Variants in PPP2R5E observed in about 807,000 individuals in gnomAD.
PPP2R5E encodes serine/threonine-protein phosphatase 2A 56 kDa regulatory subunit epsilon isoform.
A neutral mutation model predicts 65.3 loss-of-function variants in PPP2R5E; 4 were observed. That is an observed-to-expected ratio of 0.06 (90% confidence interval 0.03 to 0.14). The LOEUF (loss-of-function observed/expected upper bound fraction) is 0.14, where lower values mean the gene tolerates loss of function less well. Ranked by LOEUF, PPP2R5E falls within the 10% of genes least tolerant of loss-of-function variation. PPP2R5E has a pLI of 1.00. For missense variants in PPP2R5E, 274 were observed against 556.1 expected, an observed-to-expected ratio of 0.49 and a Z score of 5.10; for synonymous variants, 183 against 187.4, an observed-to-expected ratio of 0.98 and a Z score of 0.19.
At chr14:63,458,732 T>C (rs761025407) in intron 2 of PPP2R5E, among the ~76,000 whole-genome samples, 72 of 152,328 alleles carry the variant, frequency 4.7e-4, no homozygotes, top group Middle Eastern at 3.4e-3. Flanking sequence ...TATGTTTGCA[T>C]TGGAAGCTAA....
chr14:63,383,630 T>C (rs529071120), intron 12 of PPP2R5E, among the ~76,000 whole-genome samples: 8 of 152,344 alleles, frequency 5.3e-5, no homozygotes, highest in African/African-American at 1.9e-4. Context: ...TATAATTACA[T>C]GCAAAATTTT....
chr14:63,446,886 T>C lies in PPP2R5E; in HGVS notation c.354+6803A>G, dbSNP rs113367855. ...ACATTCATCTCCTTGTATATCTCCA[T>C]TAGAGCTCTTGGGTAACAAGGTGGA... On this transcript the variant is annotated intron_variant, in intron 3 of 13. Coordinates refer to ENST00000337537, the MANE Select transcript of PPP2R5E (RefSeq NM_006246.5). Among the ~76,000 whole-genome samples the C allele has an allele frequency of 2.4e-3, 358 of 151,378 alleles. 2 individuals carry two copies. Among genetic ancestry groups the C allele is most frequent in the African/African-American group, 8.2e-3 (340 of 41,242 alleles).
At chr14:63,430,385 A>ACATACATACATGCATG (rs1887592815) in intron 3 of PPP2R5E, among the ~76,000 whole-genome samples, 2 of 140,812 alleles carry the variant, frequency 1.4e-5, no homozygotes, top group African/African-American at 6.1e-5. Flanking sequence ...ATGCATACAT[A>ACATACATACATGCATG]CATACATACA....
chr14:63,435,987 T>C (rs1316291989), intron 3 of PPP2R5E, among the ~76,000 whole-genome samples: 2 of 152,190 alleles, frequency 1.3e-5, no homozygotes, highest in African/African-American at 2.4e-5. Flanking sequence ...AACATTGCAA[T>C]AGTCATAGTG....
intron 2 of PPP2R5E, among the ~76,000 whole-genome samples, chr14:63,522,895 T>A (rs903362310): frequency 1.5e-5 from 2 of 136,522 alleles, no homozygotes; most frequent in Non-Finnish European, 3.1e-5. Flanking sequence ...AGCCGCCCCG[T>A]CCGGGAGGGA....
At chr14:63,394,001 T>C in intron 7 of PPP2R5E, 73 bp from the exon 8 acceptor site, 3 of 825,356 alleles carry the variant, frequency 3.6e-6, no homozygotes, top group Middle Eastern at 2.3e-4. Flanking sequence ...TCTTGTGATA[T>C]TAATTAAACT....
At position 63,384,649 on chromosome 14, in the gene PPP2R5E, A is replaced by G. The variant is rs529369569; in HGVS notation, c.1075-78T>C. 302 of 1,242,094 alleles carry G rather than the reference A, an allele frequency of 2.4e-4. No individual in the cohort carries two copies. In the South Asian group the frequency reaches 4.0e-3, roughly 16 times the overall value. The allele number at this position is 1,242,094 out of a possible 1,614,324, so 76.9% of individuals were successfully genotyped here. A position where few individuals can be genotyped will look rare whatever the true frequency, so the allele number is the denominator to read the frequency against. ...ACAAAATTATAAATCTTTCCAAACA[A>G]AAGTATTTCAAAAGGCTATTTGTAA... is the stretch of plus-strand genomic sequence containing the variant. On this transcript the variant is annotated intron_variant, in intron 11 of 13. Coordinates refer to ENST00000337537, the MANE Select transcript of PPP2R5E (RefSeq NM_006246.5).
intron 5 of PPP2R5E, among the ~76,000 whole-genome samples, chr14:63,403,954 A>G (rs1213652782): frequency 6.6e-6 from 1 of 152,206 alleles, no homozygotes; most frequent in African/African-American, 2.4e-5. Context: ...GGCTTACAGT[A>G]GGAAGTCAAT....
At chr14:63,466,153 C>T (rs574569230) in intron 2 of PPP2R5E, among the ~76,000 whole-genome samples, 11 of 151,952 alleles carry the variant, frequency 7.2e-5, no homozygotes, top group African/African-American at 2.7e-4. Context: ...AACATCAACA[C>T]CAATTGTTTC....
At chr14:63,509,379 T>G (rs1359998876) in intron 2 of PPP2R5E, among the ~76,000 whole-genome samples, 2 of 150,876 alleles carry the variant, frequency 1.3e-5, no homozygotes, top group African/African-American at 2.4e-5. Context: ...GTTCAAGCGA[T>G]TCTCGTGCCT....
intron 4 of PPP2R5E, among the ~76,000 whole-genome samples, chr14:63,421,485 C>T (rs1490460524): frequency 6.6e-6 from 1 of 152,174 alleles, no homozygotes; most frequent in Non-Finnish European, 1.5e-5. Context: ...TTGGCCTTTA[C>T]CCAAGCTTTC....
At chr14:63,499,285 G>A (rs942918312) in intron 2 of PPP2R5E, among the ~76,000 whole-genome samples, 2 of 152,068 alleles carry the variant, frequency 1.3e-5, no homozygotes, top group African/African-American at 2.4e-5. Context: ...TATGACAGCA[G>A]AAATGTAAAA....
At chr14:63,534,348 T>C in intron 2 of PPP2R5E, among the ~76,000 whole-genome samples, 1 of 152,012 alleles carries the variant, frequency 6.6e-6, no homozygotes. Flanking sequence ...CACTGCAACC[T>C]CCACCTCCCG....
intron 3 of PPP2R5E, among the ~76,000 whole-genome samples, chr14:63,431,779 G>C (rs1887684007): frequency 6.6e-6 from 1 of 152,048 alleles, no homozygotes; most frequent in Admixed American, 6.6e-5. Flanking sequence ...GGATTTAAAA[G>C]GAGATTTCTA....
At chr14:63,475,964 C>T (rs138054520) in intron 2 of PPP2R5E, among the ~76,000 whole-genome samples, 112 of 152,280 alleles carry the variant, frequency 7.4e-4, no homozygotes, top group Non-Finnish European at 1.5e-3. Flanking sequence ...ATGAACAGCA[C>T]TGCTATTGTA....
chr14:63,447,034 G>C (rs753363901), intron 3 of PPP2R5E, among the ~76,000 whole-genome samples: 2 of 152,102 alleles, frequency 1.3e-5, no homozygotes, highest in Non-Finnish European at 2.9e-5. Context: ...TTGTCATCTA[G>C]GCTTTGCTGT....
At chr14:63,401,582 G>A (rs1034459555) in intron 5 of PPP2R5E, among the ~76,000 whole-genome samples, 1 of 152,178 alleles carries the variant, frequency 6.6e-6, no homozygotes, top group East Asian at 1.9e-4. Context: ...ACAATGAAAT[G>A]AGAAGAGTGA....
intron 2 of PPP2R5E, among the ~76,000 whole-genome samples, chr14:63,509,102 TACAC>T (rs1241023327): frequency 5.9e-5 from 9 of 152,136 alleles, no homozygotes; most frequent in Admixed American, 5.9e-4. Flanking sequence ...AAATAACTCT[TACAC>T]AGACTTTGCT....
intron 4 of PPP2R5E, among the ~76,000 whole-genome samples, chr14:63,417,191 A>G (rs1188226825): frequency 6.6e-6 from 1 of 152,184 alleles, no homozygotes; most frequent in Admixed American, 6.5e-5. Flanking sequence ...TTAAATGTTG[A>G]CATGTTTTAT....
Sources: allele counts gnomAD v4.1 joint callset (sites outside exome capture counted in the v4.1 genomes callset), GRCh38; gene constraint gnomAD v4.1.1; transcripts MANE v1.5; gene names NCBI Gene and HGNC (gene_info 2026-07-23, HGNC 2026-07-21).